GALNT13: variants seen among roughly 807,000 people sequenced by gnomAD.
GALNT13 encodes polypeptide N-acetylgalactosaminyltransferase 13, also known as UDP-GalNAc:polypeptide N-acetylgalactosaminyltransferase 13.
A neutral mutation model predicts 64.2 loss-of-function variants in GALNT13; 28 were observed. That is an observed-to-expected ratio of 0.44 (90% confidence interval 0.32 to 0.60). The LOEUF (loss-of-function observed/expected upper bound fraction) is 0.60. Ranked by LOEUF, GALNT13 falls within the 20% of genes least tolerant of loss-of-function variation. GALNT13 has a pLI of 0.05. For synonymous variants in GALNT13, 214 were observed against 224.6 expected (o/e 0.95, Z 0.42); for missense variants, 577 against 669.8 (o/e 0.86, Z 1.53).
At chr2:153,737,384 G>C in the GALNT13 span, among the ~76,000 whole-genome samples, 1 of 150,536 alleles carries the variant, frequency 6.6e-6, no homozygotes, top group Admixed American at 6.6e-5. Flanking sequence ...TTGGAATTGT[G>C]GTTTTTTTTC....
chr2:153,221,900 C>A, the GALNT13 span, among the ~76,000 whole-genome samples: 1 of 152,204 alleles, frequency 6.6e-6, no homozygotes, highest in Non-Finnish European at 1.5e-5. Context: ...ACACCAGAAA[C>A]CGCAAAGCCC....
the GALNT13 span, among the ~76,000 whole-genome samples, chr2:153,183,182 A>G: frequency 1.3e-5 from 2 of 152,196 alleles, no homozygotes; most frequent in African/African-American, 4.8e-5. Flanking sequence ...GACTGGCATG[A>G]GATGGTATCT....
chr2:153,567,704 C>T, the GALNT13 span, among the ~76,000 whole-genome samples: 12 of 151,980 alleles, frequency 7.9e-5, no homozygotes, highest in South Asian at 2.1e-4. Context: ...AACTCGGTAA[C>T]GAGAACTGGG....
the GALNT13 span, among the ~76,000 whole-genome samples, chr2:153,324,739 T>A: frequency 1.3e-5 from 2 of 152,224 alleles, no homozygotes; most frequent in Non-Finnish European, 2.9e-5. Context: ...ATTGAGATAA[T>A]CATGTGGTTT....
chr2:153,346,086 T>G, the GALNT13 span, among the ~76,000 whole-genome samples: 1 of 152,088 alleles, frequency 6.6e-6, no homozygotes. Context: ...GCTAATTTTT[T>G]TATTTTAATT....
the GALNT13 span, among the ~76,000 whole-genome samples, chr2:153,356,940 G>A: frequency 1.3e-5 from 2 of 151,788 alleles, no homozygotes; most frequent in Admixed American, 1.3e-4. Flanking sequence ...TGGGACTACA[G>A]GCACCTGCCA....
chr2:153,154,087 G>T, the GALNT13 span, among the ~76,000 whole-genome samples: 2 of 151,922 alleles, frequency 1.3e-5, no homozygotes, highest in African/African-American at 4.8e-5. Flanking sequence ...AGTATTTTGT[G>T]GTTCTCCCTG....
chr2:153,261,213 T>C, the GALNT13 span, among the ~76,000 whole-genome samples: 5 of 152,330 alleles, frequency 3.3e-5, no homozygotes, highest in South Asian at 2.1e-4. Flanking sequence ...TGGTATATTA[T>C]TTAATTCATT....
intron 8 of GALNT13, among the ~76,000 whole-genome samples, chr2:154,295,808 T>A (rs939848739): frequency 6.6e-6 from 1 of 152,094 alleles, no homozygotes; most frequent in Admixed American, 6.6e-5. Flanking sequence ...TGGGTTGCCT[T>A]CCCCAATGGG....
chr2:154,429,315 G>A (rs1347386809), intron 11 of GALNT13, among the ~76,000 whole-genome samples: 2 of 152,112 alleles, frequency 1.3e-5, no homozygotes, highest in African/African-American at 4.8e-5. Context: ...AATTCTTGAA[G>A]GAAATTGAAA....
At chr2:154,118,727 A>C (rs1681757615) in intron 3 of GALNT13, among the ~76,000 whole-genome samples, 2 of 152,004 alleles carry the variant, frequency 1.3e-5, no homozygotes, top group East Asian at 1.9e-4. Context: ...TGCTCTACTA[A>C]AGATTTTTGC....
intron 9 of GALNT13, among the ~76,000 whole-genome samples, chr2:154,349,486 A>T (rs932326854): frequency 6.6e-6 from 1 of 152,252 alleles, no homozygotes; most frequent in African/African-American, 2.4e-5. Context: ...AAACTGGAAA[A>T]GTCAGAATGT....
intron 11 of GALNT13, among the ~76,000 whole-genome samples, chr2:154,413,457 C>T (rs1017501011): frequency 6.6e-6 from 1 of 151,916 alleles, no homozygotes; most frequent in African/African-American, 2.4e-5. Flanking sequence ...ATTAGTTTAA[C>T]ATCTCATTAA....
At chr2:153,975,902 A>T (rs928150851) in intron 3 of GALNT13, among the ~76,000 whole-genome samples, 1 of 152,140 alleles carries the variant, frequency 6.6e-6, no homozygotes, top group Non-Finnish European at 1.5e-5. Flanking sequence ...TGATTTCACA[A>T]CGTATACCTA....
At chr2:154,081,228 G>C (rs1701257398) in intron 3 of GALNT13, among the ~76,000 whole-genome samples, 1 of 151,406 alleles carries the variant, frequency 6.6e-6, no homozygotes, top group Non-Finnish European at 1.5e-5. Context: ...CCCTTCCCTT[G>C]ACTTTGTCAC....
At chr2:154,080,685 C>T (rs1361895219) in intron 3 of GALNT13, among the ~76,000 whole-genome samples, 2 of 151,648 alleles carry the variant, frequency 1.3e-5, no homozygotes, top group Admixed American at 6.6e-5. Flanking sequence ...CCTTTTCATA[C>T]TGTGGAGGCA....
intron 3 of GALNT13, among the ~76,000 whole-genome samples, chr2:153,948,445 T>G (rs537738450): frequency 6.6e-6 from 1 of 152,180 alleles, no homozygotes; most frequent in South Asian, 2.1e-4. Context: ...GACAATGTGG[T>G]GATTGATTCA....
At chr2:154,225,799 T>A (rs1688588345) in intron 4 of GALNT13, among the ~76,000 whole-genome samples, 1 of 152,102 alleles carries the variant, frequency 6.6e-6, no homozygotes, top group Non-Finnish European at 1.5e-5. Context: ...AGAATATGAC[T>A]GGACAGAAAG....
At chr2:154,039,222 A>C (rs894167552) in intron 3 of GALNT13, among the ~76,000 whole-genome samples, 2 of 152,088 alleles carry the variant, frequency 1.3e-5, no homozygotes, top group African/African-American at 4.8e-5. Flanking sequence ...AAAACTAAAA[A>C]TAGAACTACC....
Sources: allele counts gnomAD v4.1 joint callset (sites outside exome capture counted in the v4.1 genomes callset), GRCh38; gene constraint gnomAD v4.1.1; transcripts MANE v1.5; gene names NCBI Gene and HGNC (gene_info 2026-07-23, HGNC 2026-07-21).